Variants in NDUFAF6 observed in about 807,000 individuals in gnomAD.
The protein encoded by NDUFAF6 is NADH:ubiquinone oxidoreductase complex assembly factor 6, also known as NADH dehydrogenase (ubiquinone) complex I, assembly factor 6.
Under a neutral mutation model 40.8 loss-of-function variants are expected in NDUFAF6, and 45 were observed. That is an observed-to-expected ratio of 1.10 (90% confidence interval 0.87 to 1.42). NDUFAF6 has a LOEUF of 1.42. NDUFAF6 is among the 40% of genes most tolerant of loss of function. The pLI is 0.00. For synonymous variants in NDUFAF6, 185 were observed against 155.9 expected (o/e 1.19, Z -1.39); for missense variants, 435 against 418.5 (o/e 1.04, Z -0.34).
At chr8:95,097,930 T>C (rs113783307), upstream of NDUFAF6, among the ~76,000 whole-genome samples, 1,494 of 152,316 alleles carry the variant, frequency 9.8e-3, 20 homozygotes, top group Middle Eastern at 0.034. Flanking sequence ...GAAAGTATCA[T>C]GCAACAGTTT....
chr8:94,920,694 T>C (rs2131266485), intron 1 of NDUFAF6, among the ~76,000 whole-genome samples: 1 of 152,276 alleles, frequency 6.6e-6, no homozygotes, highest in East Asian at 1.9e-4. Context: ...AGGATGCCAC[T>C]CCAGAGCCCT....
At chr8:95,073,113 G>A (rs988797874) in intron 9 of NDUFAF6, 8 of 152,718 alleles carry the variant, frequency 5.2e-5, no homozygotes, top group African/African-American at 1.9e-4. Context: ...GCTAGGAATA[G>A]ACGCGCTGAG....
chr8:94,934,558 G>A (rs1820778779), intron 1 of NDUFAF6, among the ~76,000 whole-genome samples: 1 of 151,864 alleles, frequency 6.6e-6, no homozygotes, highest in African/African-American at 2.4e-5. Context: ...GCTAATTTTT[G>A]TATTTTTAAG....
In NDUFAF6 at chr8:95,036,532, A is replaced by T. The variant is rs1319489523; in HGVS notation, c.420+956A>T. 3.9e-6 allele frequency: 5 copies of T among 1,272,542 alleles called. No homozygotes were observed. The Admixed American group carries it at 1.2e-4, about 32-fold the overall frequency. 78.8% of individuals were successfully genotyped at this position (1,272,542 alleles called of 1,614,324 possible). A position where few individuals can be genotyped will look rare whatever the true frequency, so the allele number is the denominator to read the frequency against. ...TTAGTTCTTTACCTCTGTTCATCCC[A>T]CTTCAAGAAGCTCAACCTAGGTGAC... On this transcript the variant is annotated intron_variant, in intron 3 of 8. Coordinates refer to ENST00000396124, the MANE Select transcript of NDUFAF6 (RefSeq NM_152416.4).
Position 94,973,464 on chromosome 8 carries a change from T to C in NDUFAF6, c.-198-7395T>C, listed in dbSNP as rs889187729. ...TGGCTCACGCCTGTAATCCCAGCAC[T>C]TTGGGAGGCTAAGGCGGGCAGATCA... On this transcript the variant is annotated intron_variant, in intron 1 of 9. Transcript: ENST00000396111. Among the ~76,000 whole-genome samples, 7 of 152,158 alleles carry C rather than the reference T, an allele frequency of 4.6e-5. No individual in the cohort carries two copies. In the South Asian group the frequency reaches 1.4e-3, roughly 31 times the overall value.
At chr8:94,900,548 A>G (rs1012277196) in intron 1 of NDUFAF6, among the ~76,000 whole-genome samples, 7 of 152,164 alleles carry the variant, frequency 4.6e-5, no homozygotes, top group African/African-American at 1.7e-4. Flanking sequence ...CAGCTCCTTC[A>G]TGATTCCTGA....
intron 2 of NDUFAF6, among the ~76,000 whole-genome samples, chr8:95,015,502 G>A (rs80319642): frequency 0.012 from 1,878 of 152,236 alleles, 49 homozygotes; most frequent in African/African-American, 0.042. Context: ...AGTCCTAACT[G>A]CGGTACACTT....
At chr8:95,058,726 G>A (rs1563845136), downstream of NDUFAF6, 27 of 995,918 alleles carry the variant, frequency 2.7e-5, no homozygotes, top group East Asian at 1.0e-4. Context: ...TACATTCTGC[G>A]CTATACATTG....
chr8:95,011,576 G>T (rs1010190105), intron 2 of NDUFAF6, among the ~76,000 whole-genome samples: 11 of 152,164 alleles, frequency 7.2e-5, no homozygotes, highest in African/African-American at 2.7e-4. Flanking sequence ...GATGCAGCTG[G>T]TGCCCTCCTG....
downstream of NDUFAF6, among the ~76,000 whole-genome samples, chr8:95,062,942 GA>G (rs1397833883): frequency 1.3e-5 from 2 of 152,170 alleles, no homozygotes; most frequent in Non-Finnish European, 1.5e-5. Flanking sequence ...CTGGATATGA[GA>G]AAGATGGAAC....
intron 9 of NDUFAF6, among the ~76,000 whole-genome samples, chr8:95,064,406 C>CAGTT (rs1459941042): frequency 2.0e-5 from 3 of 152,052 alleles, no homozygotes; most frequent in Non-Finnish European, 4.4e-5. Flanking sequence ...TCTTCTTACA[C>CAGTT]AACTAACTCC....
chr8:95,016,992 A>C (rs1413216251), intron 2 of NDUFAF6, among the ~76,000 whole-genome samples: 1 of 145,218 alleles, frequency 6.9e-6, no homozygotes, highest in Non-Finnish European at 1.5e-5. Flanking sequence ...GGAGTGCAGC[A>C]GCACAATCAT....
chr8:94,973,918 C>A (rs557442122), intron 1 of NDUFAF6, among the ~76,000 whole-genome samples: 183 of 151,816 alleles, frequency 1.2e-3, no homozygotes, highest in African/African-American at 4.1e-3. Context: ...TTCCCACCCT[C>A]CAGAACTGTG....
intron 8 of NDUFAF6, among the ~76,000 whole-genome samples, chr8:95,053,377 T>G (rs1341556711): frequency 6.6e-6 from 1 of 152,194 alleles, no homozygotes; most frequent in Non-Finnish European, 1.5e-5. Context: ...TCACCCTGTT[T>G]AGTGGTTATC....
At chr8:95,099,272 T>C (rs1044241366), upstream of NDUFAF6, among the ~76,000 whole-genome samples, 53 of 151,844 alleles carry the variant, frequency 3.5e-4, no homozygotes, top group Admixed American at 3.3e-3. Context: ...CTGGCGTCTC[T>C]TTCAGAGTAT....
At chr8:95,054,842 CTTAA>C (rs1831927295) in intron 8 of NDUFAF6, among the ~76,000 whole-genome samples, 1 of 152,122 alleles carries the variant, frequency 6.6e-6, no homozygotes, top group African/African-American at 2.4e-5. Flanking sequence ...GACAGGGCCT[CTTAA>C]TTGTTTTATA....
At chr8:94,906,151 G>A (rs368478006) in intron 1 of NDUFAF6, among the ~76,000 whole-genome samples, 3 of 152,224 alleles carry the variant, frequency 2.0e-5, no homozygotes, top group South Asian at 2.1e-4. Flanking sequence ...AGCTGTCACC[G>A]TGCTCCCATC....
At chr8:95,005,554 A>ATATATATAT (rs1554657858) in intron 2 of NDUFAF6, among the ~76,000 whole-genome samples, 4,151 of 115,174 alleles carry the variant, frequency 0.036, 249 homozygotes, top group African/African-American at 0.053. Flanking sequence ...TATATATATA[A>ATATATATAT]AAAATATATT....
At chr8:94,907,214 G>T (rs532891534) in intron 1 of NDUFAF6, among the ~76,000 whole-genome samples, 1 of 152,280 alleles carries the variant, frequency 6.6e-6, no homozygotes. Flanking sequence ...TAATCAAATG[G>T]CATCAACTCA....
Sources: allele counts gnomAD v4.1 joint callset (sites outside exome capture counted in the v4.1 genomes callset), GRCh38; gene constraint gnomAD v4.1.1; transcripts MANE v1.5; gene names NCBI Gene and HGNC (gene_info 2026-07-23, HGNC 2026-07-21).